AFF3: variants seen among roughly 807,000 people sequenced by gnomAD.
AFF3 encodes ALF transcription elongation factor 3.
Under a neutral mutation model 129.7 loss-of-function variants are expected in AFF3, and 32 were observed. The ratio of observed to expected loss-of-function variants is 0.25; its 90% confidence interval spans 0.19 to 0.33. AFF3 has a LOEUF of 0.33. Among genes scored for constraint, AFF3 ranks in the 10% least tolerant of loss-of-function variants. The pLI, the probability that AFF3 is intolerant of heterozygous loss-of-function variation, is 1.00. For synonymous variants in AFF3, 644 were observed against 635.4 expected (o/e 1.01, Z -0.20); for missense variants, 1,373 against 1,592.0 (o/e 0.86, Z 2.34).
intron 14 of AFF3, among the ~76,000 whole-genome samples, chr2:99,596,299 C>T (rs1373551472): frequency 2.0e-5 from 3 of 152,152 alleles, no homozygotes; most frequent in Non-Finnish European, 4.4e-5. Flanking sequence ...AGATGCCCTC[C>T]CATGGTCAGA....
chr2:99,790,068 C>T (rs1381268972), intron 8 of AFF3, among the ~76,000 whole-genome samples: 1 of 152,218 alleles, frequency 6.6e-6, no homozygotes, highest in Non-Finnish European at 1.5e-5. Flanking sequence ...TGTGAAACTC[C>T]TGCCTGTGAT....
chr2:99,734,398 G>C (rs143937146), intron 10 of AFF3, among the ~76,000 whole-genome samples: 1 of 151,970 alleles, frequency 6.6e-6, no homozygotes, highest in African/African-American at 2.4e-5. Context: ...CTCGACCAAG[G>C]ATGTCCATCC....
chr2:100,059,071 GGTGA>G, intron 4 of AFF3, among the ~76,000 whole-genome samples: 1 of 152,030 alleles, frequency 6.6e-6, no homozygotes, highest in Non-Finnish European at 1.5e-5. Flanking sequence ...TGGCCAACAT[GGTGA>G]AACCCCATCT....
chr2:99,908,901 G>C (rs1459281050), intron 7 of AFF3, among the ~76,000 whole-genome samples: 3 of 152,176 alleles, frequency 2.0e-5, no homozygotes, highest in African/African-American at 7.2e-5. Context: ...TTCAACCATT[G>C]TGGAAGTCGG....
intron 7 of AFF3, among the ~76,000 whole-genome samples, chr2:99,916,904 G>T (rs1295871922): frequency 1.3e-5 from 2 of 152,076 alleles, no homozygotes; most frequent in South Asian, 4.2e-4. Flanking sequence ...ATGCTTAAGG[G>T]CGGGGATTCC....
At chr2:99,633,272 G>C (rs1683298149) in intron 13 of AFF3, among the ~76,000 whole-genome samples, 1 of 152,142 alleles carries the variant, frequency 6.6e-6, no homozygotes, top group Admixed American at 6.5e-5. Flanking sequence ...GCTGGGGTTT[G>C]CTGTCCATGG....
intron 8 of AFF3, among the ~76,000 whole-genome samples, chr2:99,821,834 C>T (rs894828243): frequency 6.6e-6 from 1 of 152,150 alleles, no homozygotes; most frequent in Non-Finnish European, 1.5e-5. Context: ...TAGGGCCCCT[C>T]GTGTCACACA....
At chr2:99,844,209 C>T (rs1689538635) in intron 7 of AFF3, among the ~76,000 whole-genome samples, 1 of 152,060 alleles carries the variant, frequency 6.6e-6, no homozygotes, top group Non-Finnish European at 1.5e-5. Context: ...GAGCAAACCA[C>T]AAACTACATT....
At chr2:99,925,787 A>G (rs950048087) in intron 7 of AFF3, among the ~76,000 whole-genome samples, 17 of 152,230 alleles carry the variant, frequency 1.1e-4, no homozygotes, top group African/African-American at 4.1e-4. Flanking sequence ...CCAGTCCCTG[A>G]CATGGGCTCA....
At chr2:99,877,506 C>T (rs1238470891) in intron 7 of AFF3, among the ~76,000 whole-genome samples, 1 of 152,126 alleles carries the variant, frequency 6.6e-6, no homozygotes, top group Non-Finnish European at 1.5e-5. Context: ...AAAGCCATTA[C>T]AACTGATGGC....
chr2:99,645,133 G>A (rs1430249125), intron 13 of AFF3, among the ~76,000 whole-genome samples: 3 of 152,070 alleles, frequency 2.0e-5, no homozygotes, highest in Non-Finnish European at 2.9e-5. Context: ...CCAGGAGTTC[G>A]AGACCTGCCT....
In AFF3 at chr2:99,727,138, G is replaced by A. The variant is rs201467917; in HGVS notation, c.1040-10C>T. The A allele has an allele frequency of 1.7e-5, 27 of 1,606,932 alleles. No individual in the cohort carries two copies. In the African/African-American group the frequency reaches 3.2e-4, roughly 19 times the overall value. On this transcript the variant is annotated splice_polypyrimidine_tract_variant and intron_variant, in intron 10 of 24. Coordinates refer to ENST00000672756, the MANE Select transcript of AFF3 (RefSeq NM_001386135.1). Reference sequence around the variant, plus strand: ...TCTGCATCACCTTTCTCTTAAAAAGGAAGCAGAAAAAAATACCGACATATG... The same window carrying A: ...TCTGCATCACCTTTCTCTTAAAAAGAAAGCAGAAAAAAATACCGACATATG...
chr2:99,572,293 AC>A (rs71376487), intron 18 of AFF3, among the ~76,000 whole-genome samples: 1,606 of 43,094 alleles, frequency 0.037, 39 homozygotes, highest in African/African-American at 0.086. Flanking sequence ...CCCTCCCACC[AC>A]CCCCCCCCCC....
At chr2:99,697,042 G>T (rs1356916580) in intron 11 of AFF3, among the ~76,000 whole-genome samples, 1 of 152,150 alleles carries the variant, frequency 6.6e-6, no homozygotes, top group African/African-American at 2.4e-5. Flanking sequence ...AGGGAGTGAG[G>T]CCCTTGTCAT....
intron 4 of AFF3, among the ~76,000 whole-genome samples, chr2:100,086,307 G>C (rs943320649): frequency 6.6e-6 from 1 of 152,018 alleles, no homozygotes; most frequent in Non-Finnish European, 1.5e-5. Flanking sequence ...CAGATCACAA[G>C]GTCAGGAGAC....
At chr2:99,720,008 G>A (rs578229910) in intron 11 of AFF3, among the ~76,000 whole-genome samples, 2 of 152,330 alleles carry the variant, frequency 1.3e-5, no homozygotes, top group South Asian at 4.1e-4. Flanking sequence ...ATGCACTCCA[G>A]CCTGGGTGAC....
At chr2:99,816,793 A>T (rs941278658) in intron 8 of AFF3, among the ~76,000 whole-genome samples, 17 of 152,058 alleles carry the variant, frequency 1.1e-4, no homozygotes, top group Admixed American at 1.0e-3. Context: ...TTCTCCAGAT[A>T]TACCGTAATG....
At chr2:99,635,454 T>C (rs1558676557) in intron 13 of AFF3, among the ~76,000 whole-genome samples, 1 of 152,076 alleles carries the variant, frequency 6.6e-6, no homozygotes, top group African/African-American at 2.4e-5. Flanking sequence ...TGTGCCACCA[T>C]GCTAATTTGT....
intron 2 of AFF3, among the ~76,000 whole-genome samples, chr2:100,125,465 A>G (rs1446374902): frequency 6.6e-6 from 1 of 152,198 alleles, no homozygotes; most frequent in Admixed American, 6.5e-5. Flanking sequence ...TCATTTGTTC[A>G]ACGTTGTATC....
Sources: gnomAD v4.1 joint callset for allele counts (sites outside exome capture counted in the v4.1 genomes callset) on GRCh38, gnomAD v4.1.1 for gene constraint, MANE v1.5 for transcripts, NCBI Gene and HGNC (gene_info 2026-07-23, HGNC 2026-07-21) for gene names.